PLD5: variants seen among roughly 807,000 people sequenced by gnomAD.
The protein encoded by PLD5 is inactive phospholipase D5.
In PLD5, 36 loss-of-function variants were observed where a neutral mutation model predicts 61.1. The observed-to-expected ratio is 0.59, with a 90% CI of 0.45 to 0.78. PLD5 has a LOEUF of 0.78. PLD5 is among the 30% of genes least tolerant of loss of function. PLD5 has a pLI of 0.00. For synonymous variants in PLD5, 243 were observed against 242.8 expected (o/e 1.00, Z -0.01); for missense variants, 515 against 644.4 (o/e 0.80, Z 2.17).
chr1:242,368,359 C>T (rs560378225), intron 1 of PLD5, among the ~76,000 whole-genome samples: 1 of 151,992 alleles, frequency 6.6e-6, no homozygotes, highest in African/African-American at 2.4e-5. Context: ...TGATATTCAA[C>T]GTTCACTGTC....
chr1:242,490,493 C>T (rs769509776), intron 1 of PLD5, among the ~76,000 whole-genome samples: 7 of 152,182 alleles, frequency 4.6e-5, no homozygotes, highest in Non-Finnish European at 8.8e-5. Context: ...TTTTGGCCCT[C>T]TTCGGTTTTG....
At chr1:242,420,379 C>T (rs1246776802) in intron 1 of PLD5, among the ~76,000 whole-genome samples, 1 of 152,156 alleles carries the variant, frequency 6.6e-6, no homozygotes, top group African/African-American at 2.4e-5. Flanking sequence ...GTCAGCACTT[C>T]ATTCTTACAG....
intron 8 of PLD5, among the ~76,000 whole-genome samples, chr1:242,107,356 G>A (rs1267006576): frequency 6.6e-6 from 1 of 152,078 alleles, no homozygotes; most frequent in Non-Finnish European, 1.5e-5. Flanking sequence ...AGGCTGCAGT[G>A]AGCCGGGATT....
chr1:242,464,529 G>A (rs1248815195), intron 1 of PLD5, among the ~76,000 whole-genome samples: 5 of 152,158 alleles, frequency 3.3e-5, no homozygotes, highest in Non-Finnish European at 5.9e-5. Context: ...AACAAAAGGT[G>A]GTGAGGAAAC....
At chr1:242,401,054 G>A (rs1663902511) in intron 1 of PLD5, among the ~76,000 whole-genome samples, 1 of 151,986 alleles carries the variant, frequency 6.6e-6, no homozygotes, top group African/African-American at 2.4e-5. Context: ...CAAACACATG[G>A]GCAAAGCACC....
intron 1 of PLD5, among the ~76,000 whole-genome samples, chr1:242,414,094 A>G (rs542363814): frequency 1.3e-5 from 2 of 152,340 alleles, no homozygotes; most frequent in South Asian, 4.1e-4. Context: ...AGATGTGCTT[A>G]AGGTGGAAAC....
chr1:242,215,159 A>G (rs1174093060), intron 5 of PLD5, among the ~76,000 whole-genome samples: 1 of 150,262 alleles, frequency 6.7e-6, no homozygotes, highest in Admixed American at 6.9e-5. Context: ...AAGTGCTGGG[A>G]TTACAGGTGT....
At chr1:242,307,028 T>A (rs1359219858) in intron 2 of PLD5, among the ~76,000 whole-genome samples, 1 of 152,256 alleles carries the variant, frequency 6.6e-6, no homozygotes, top group Non-Finnish European at 1.5e-5. Context: ...AAAGTTTTTT[T>A]CAATGGTCTA....
intron 5 of PLD5, among the ~76,000 whole-genome samples, chr1:242,155,024 C>T (rs1404447650): frequency 6.6e-6 from 1 of 152,138 alleles, no homozygotes; most frequent in Non-Finnish European, 1.5e-5. Context: ...AATTTCAGAA[C>T]TTGTTATTGA....
intron 4 of PLD5, among the ~76,000 whole-genome samples, chr1:242,247,981 C>T (rs972364350): frequency 6.6e-6 from 1 of 152,160 alleles, no homozygotes; most frequent in Non-Finnish European, 1.5e-5. Context: ...AGGCCATGAC[C>T]ATCCAATGGC....
At chr1:242,354,827 T>TA (rs1373735813) in intron 1 of PLD5, among the ~76,000 whole-genome samples, 2 of 151,406 alleles carry the variant, frequency 1.3e-5, no homozygotes, top group African/African-American at 2.4e-5. Context: ...TTTTTTTTTT[T>TA]ACCATGAAAG....
At chr1:242,208,797 C>A (rs141124958) in intron 5 of PLD5, among the ~76,000 whole-genome samples, 64 of 152,046 alleles carry the variant, frequency 4.2e-4, no homozygotes, top group African/African-American at 1.5e-3. Flanking sequence ...CAAGAGATGG[C>A]CTGTTTTCAT....
rs77344594 is a variant in PLD5, at chr1:242,522,448, C to T, written c.189+1640G>A. On this transcript the variant is annotated intron_variant, in intron 1 of 9. Coordinates refer to ENST00000536534, the MANE Select transcript of PLD5 (RefSeq NM_001372062.1). ...AGTGAGAAAGCATTTAAGTATAATGCGTGCACCGCTCATGACTCAAGACAT... is the reference window on the plus strand; with the variant it reads ...AGTGAGAAAGCATTTAAGTATAATGTGTGCACCGCTCATGACTCAAGACAT... Among the ~76,000 whole-genome samples, 86 of 152,280 alleles carry T rather than the reference C, an allele frequency of 5.6e-4. 2 individuals are homozygous for T. The East Asian group carries it at 0.015, about 27-fold the overall frequency.
At chr1:242,328,388 T>C (rs1658946591) in intron 2 of PLD5, among the ~76,000 whole-genome samples, 1 of 152,216 alleles carries the variant, frequency 6.6e-6, no homozygotes. Flanking sequence ...TGTTCACACG[T>C]GTTCTACATA....
At chr1:242,501,517 G>C (rs1335102211) in intron 1 of PLD5, among the ~76,000 whole-genome samples, 1 of 152,172 alleles carries the variant, frequency 6.6e-6, no homozygotes, top group Non-Finnish European at 1.5e-5. Flanking sequence ...GCATCTGCCT[G>C]TTTCATTGAC....
chr1:242,164,236 G>GAAAT (rs1666132471), intron 5 of PLD5, among the ~76,000 whole-genome samples: 2 of 152,118 alleles, frequency 1.3e-5, no homozygotes, highest in Admixed American at 1.3e-4. Context: ...TCTGTTCTTG[G>GAAAT]AAATAAAATC....
At chr1:242,375,879 T>C (rs1030565804) in intron 1 of PLD5, among the ~76,000 whole-genome samples, 2 of 152,122 alleles carry the variant, frequency 1.3e-5, no homozygotes, top group African/African-American at 4.8e-5. Flanking sequence ...GTGGTTGAAG[T>C]TGCACATCCC....
intron 2 of PLD5, among the ~76,000 whole-genome samples, chr1:242,327,041 A>G (rs907679247): frequency 6.9e-6 from 1 of 145,832 alleles, no homozygotes; most frequent in Non-Finnish European, 1.5e-5. Context: ...AATTTTTTGT[A>G]TTTTTAGTGG....
chr1:242,300,252 A>C (rs1486109776), intron 2 of PLD5, among the ~76,000 whole-genome samples: 4 of 152,194 alleles, frequency 2.6e-5, no homozygotes, highest in Non-Finnish European at 5.9e-5. Flanking sequence ...CAGCCTGGTC[A>C]ACATGGTGAA....
Sources: gnomAD v4.1 joint callset for allele counts (sites outside exome capture counted in the v4.1 genomes callset) on GRCh38, gnomAD v4.1.1 for gene constraint, MANE v1.5 for transcripts, NCBI Gene and HGNC (gene_info 2026-07-23, HGNC 2026-07-21) for gene names.